Variants in MCTP2 observed in about 807,000 individuals in gnomAD.
The protein encoded by MCTP2 is multiple C2 and transmembrane domain-containing protein 2.
In MCTP2, 132 loss-of-function variants were observed where a neutral mutation model predicts 111.6. That is an observed-to-expected ratio of 1.18 (90% confidence interval 1.03 to 1.37). The LOEUF is 1.37. MCTP2 is among the 40% of genes most tolerant of loss of function. MCTP2 has a pLI of 0.00. For missense variants in MCTP2, 1,183 were observed against 1,067.9 expected, an observed-to-expected ratio of 1.11 and a Z score of -1.50; for synonymous variants, 395 against 387.7, an observed-to-expected ratio of 1.02 and a Z score of -0.22.
At position 94,399,986 on chromosome 15, in the gene MCTP2, G is replaced by C. The variant is rs764638660; in HGVS notation, c.1956G>C (p.Leu652=). The C allele has an allele frequency of 1.9e-6, 3 of 1,613,942 alleles. No individual in the cohort carries two copies. Among genetic ancestry groups the C allele is most frequent in the Non-Finnish European group, 2.5e-6 (3 of 1,179,872 alleles). ...EKRFVEDSRK[L]SKKILSRDVD... ...GCTTTGTTGAAGACAGCCGCAAGCTGTCCAAAAAGGTGGGTCGCTACAGTA... is the reference window on the plus strand; with the variant it reads ...GCTTTGTTGAAGACAGCCGCAAGCTCTCCAAAAAGGTGGGTCGCTACAGTA... The change falls in exon 16 of 23, where the codon CTG becomes CTC. Residue 652 remains leucine, a synonymous_variant. Coordinates refer to ENST00000357742, the MANE Select transcript of MCTP2 (RefSeq NM_001385001.1).
intron 20 of MCTP2, among the ~76,000 whole-genome samples, chr15:94,469,150 C>T (rs1289539846): frequency 6.6e-6 from 1 of 152,022 alleles, no homozygotes; most frequent in Non-Finnish European, 1.5e-5. Flanking sequence ...CTCTAAAATC[C>T]CGTCTCCCAT....
chr15:94,386,876 G>A (rs74029039), intron 14 of MCTP2, among the ~76,000 whole-genome samples: 4,784 of 152,094 alleles, frequency 0.031, 262 homozygotes, highest in African/African-American at 0.11. Context: ...TGGTCTTTCT[G>A]TACTACCAAC....
intron 8 of MCTP2, 68 bp downstream of exon 8, chr15:94,345,232 A>T (rs1384938622): frequency 7.1e-7 from 1 of 1,416,328 alleles, no homozygotes; most frequent in East Asian, 2.4e-5. Context: ...AACAAAAATG[A>T]CTGCATGATA....
At chr15:94,320,620 T>C (rs115535025) in intron 4 of MCTP2, among the ~76,000 whole-genome samples, 1,849 of 152,304 alleles carry the variant, frequency 0.012, 42 homozygotes, top group African/African-American at 0.042. Flanking sequence ...TTTAGTCACT[T>C]ACTCCCTTAT....
intron 1 of MCTP2, among the ~76,000 whole-genome samples, chr15:94,275,302 G>C (rs982638866): frequency 6.6e-6 from 1 of 151,946 alleles, no homozygotes; most frequent in Non-Finnish European, 1.5e-5. Context: ...ATAAGGATTA[G>C]GAAAAAATAT....
rs571655870 is a variant in MCTP2 at position 94,480,478 on chromosome 15, T to A, written c.*1444T>A. 6.6e-6 allele frequency: 1 copy of A among 152,348 alleles called. No homozygotes were observed. Among genetic ancestry groups the A allele is most frequent in the South Asian group, 2.1e-4 (1 of 4,832 alleles). 9.4% of individuals were successfully genotyped at this position (152,348 alleles called of 1,614,324 possible). ...CTGGCTGAGCCAGAATTCTGCATGA[T>A]TTGATTTACTTCAAGTTAATGAAGC... is the stretch of plus-strand genomic sequence containing the variant. On this transcript the variant is annotated 3_prime_UTR_variant, in exon 23 of 23. Transcript: ENST00000357742.
intron 4 of MCTP2, among the ~76,000 whole-genome samples, chr15:94,329,413 C>T (rs948008312): frequency 1.3e-5 from 2 of 152,196 alleles, no homozygotes; most frequent in African/African-American, 4.8e-5. Flanking sequence ...AAAGAGCCGT[C>T]ATTGACGCAT....
intron 2 of MCTP2, among the ~76,000 whole-genome samples, chr15:94,312,358 C>A (rs2076183123): frequency 6.6e-6 from 1 of 152,180 alleles, no homozygotes; most frequent in African/African-American, 2.4e-5. Context: ...CCCAACTCAC[C>A]TGGGGGTCCT....
chr15:94,291,553 A>G (rs2075031132), intron 1 of MCTP2, among the ~76,000 whole-genome samples: 1 of 152,110 alleles, frequency 6.6e-6, no homozygotes, highest in Non-Finnish European at 1.5e-5. Context: ...GTGAGCTGAG[A>G]TCGTGCCACT....
intron 19 of MCTP2, among the ~76,000 whole-genome samples, chr15:94,445,352 A>G (rs2084053833): frequency 6.6e-6 from 1 of 152,174 alleles, no homozygotes; most frequent in Non-Finnish European, 1.5e-5. Flanking sequence ...TGCTTTCCCA[A>G]TTTTATATTT....
In MCTP2 at chr15:94,480,083, A is replaced by C. The variant is rs999980010; in HGVS notation, c.*1049A>C. ...CCCCATTTCTAGAAAATACCACCCCAGAGTCCTCATTTGATAGCATCTGTC... is the reference window on the plus strand; with the variant it reads ...CCCCATTTCTAGAAAATACCACCCCCGAGTCCTCATTTGATAGCATCTGTC... On this transcript the variant is annotated 3_prime_UTR_variant, in exon 23 of 23. Transcript: ENST00000357742. 6.6e-6 allele frequency: 1 copy of C among 152,122 alleles called. No individual in the cohort carries two copies. Among genetic ancestry groups the C allele is most frequent in the South Asian group, 2.1e-4 (1 of 4,830 alleles). The allele number at this position is 152,122 out of a possible 1,614,324, so 9.4% of individuals were successfully genotyped here.
At chr15:94,406,507 A>G (rs775003541) in intron 17 of MCTP2, among the ~76,000 whole-genome samples, 3 of 152,234 alleles carry the variant, frequency 2.0e-5, no homozygotes, top group African/African-American at 7.2e-5. Flanking sequence ...AGCCTGTTCC[A>G]AGCTGTGATG....
At chr15:94,400,087 C>A in intron 16 of MCTP2, 92 bp downstream of exon 16, 1 of 1,075,318 alleles carries the variant, frequency 9.3e-7, no homozygotes, top group Non-Finnish European at 1.4e-6. Context: ...TTCCTTGAAA[C>A]TTTTCCTCCC....
chr15:94,300,437 G>A (rs1230042177), intron 2 of MCTP2, among the ~76,000 whole-genome samples: 1 of 150,084 alleles, frequency 6.7e-6, no homozygotes, highest in Non-Finnish European at 1.5e-5. Flanking sequence ...ATGAACGCGG[G>A]AGGTAGAACC....
Position 94,315,533 on chromosome 15 carries a change from C to A in MCTP2, c.533C>A (p.Pro178Gln). The A allele has an allele frequency of 1.9e-6, 3 of 1,612,940 alleles. No homozygotes were observed. Among genetic ancestry groups the A allele is most frequent in the African/African-American group, 2.7e-5 (2 of 74,968 alleles). Reference sequence around the variant, plus strand: ...CTGCCTTCTCCATCTGTGCAGGTACCGGGGGAAGCCAGTGATGGCTTGAGT... The same window carrying A: ...CTGCCTTCTCCATCTGTGCAGGTACAGGGGGAAGCCAGTGATGGCTTGAGT... ...TSQHFEEQSV[P>Q]GEASDGLSNL... The change falls in exon 4 of 23, where the codon CCG (proline) becomes CAG (glutamine). Residue 178 changes from proline to glutamine, a missense_variant. Pro to Gln is a moderately conservative substitution (Grantham distance 76). Transcript: ENST00000357742.
intron 2 of MCTP2, among the ~76,000 whole-genome samples, chr15:94,304,623 C>T (rs2075797298): frequency 6.6e-6 from 1 of 152,136 alleles, no homozygotes; most frequent in Admixed American, 6.5e-5. Context: ...CCACAGTCAG[C>T]CTTTAGGAGA....
intron 19 of MCTP2, among the ~76,000 whole-genome samples, chr15:94,456,562 G>A (rs1406424930): frequency 6.6e-6 from 1 of 152,182 alleles, no homozygotes; most frequent in African/African-American, 2.4e-5. Context: ...GATGTCGGTG[G>A]ACTCATGAAT....
At chr15:94,359,910 G>A (rs2078832626) in intron 10 of MCTP2, among the ~76,000 whole-genome samples, 1 of 152,168 alleles carries the variant, frequency 6.6e-6, no homozygotes, top group African/African-American at 2.4e-5. Context: ...CCTGTGGAAT[G>A]TTGCTCCGGT....
At chr15:94,398,390 T>A (rs1328732184) in intron 14 of MCTP2, among the ~76,000 whole-genome samples, 14 of 152,224 alleles carry the variant, frequency 9.2e-5, no homozygotes, top group Admixed American at 8.5e-4. Context: ...CCTTATCCAG[T>A]TTATTCTAAT....
Sources: gnomAD v4.1 joint callset for allele counts (sites outside exome capture counted in the v4.1 genomes callset) on GRCh38, gnomAD v4.1.1 for gene constraint, MANE v1.5 for transcripts, NCBI Gene and HGNC (gene_info 2026-07-23, HGNC 2026-07-21) for gene names.